The following CACNA1D variants were observed in gnomAD, a reference collection of about 807,000 sequenced individuals.
The protein encoded by CACNA1D is voltage-dependent L-type calcium channel subunit alpha-1D.
In CACNA1D, 55 loss-of-function variants were observed where a neutral mutation model predicts 257.1. That is an observed-to-expected ratio of 0.21 (90% confidence interval 0.17 to 0.27). CACNA1D has a LOEUF of 0.27. Among genes scored for constraint, CACNA1D ranks in the 10% least tolerant of loss-of-function variants. CACNA1D has a pLI of 1.00. For synonymous variants in CACNA1D, 980 were observed against 1,014.9 expected, an observed-to-expected ratio of 0.97 and a Z score of 0.65; for missense variants, 1,876 against 2,784.0, an observed-to-expected ratio of 0.67 and a Z score of 7.34.
At chr3:53,749,027 AT>A in intron 26 of CACNA1D, 1 of 639,640 alleles carries the variant, frequency 1.6e-6, no homozygotes. Flanking sequence ...AAATCTTTTG[AT>A]TTTCAGTTCC....
Position 53,802,167 on chromosome 3 carries a change from A to C in CACNA1D, c.5429A>C (p.Tyr1810Ser). ...SVKRTRYYET[Y>S]IRSDSGDEQL... ...GATAGAACCCGCTATTATGAAACTTACATTAGGTATGTGCTCATTACCTGT... is the reference window on the plus strand; with the variant it reads ...GATAGAACCCGCTATTATGAAACTTCCATTAGGTATGTGCTCATTACCTGT... The change falls in exon 43 of 48, where the codon TAC (tyrosine) becomes TCC (serine). Residue 1810 changes from tyrosine (Y) to serine (S), a missense_variant. By Grantham distance (144) the Tyr-to-Ser change is moderately radical. This residue lies in a region of CACNA1D where 491 missense variants were observed against 554.3 expected (regional missense o/e 0.89). Transcript: ENST00000350061. 1 of 1,608,000 alleles carries C rather than the reference A, an allele frequency of 6.2e-7. No homozygotes were observed. Among genetic ancestry groups the C allele is most frequent in the Non-Finnish European group, 8.5e-7 (1 of 1,174,380 alleles).
At chr3:53,587,943 T>C (rs2093245945) in intron 3 of CACNA1D, among the ~76,000 whole-genome samples, 3 of 152,188 alleles carry the variant, frequency 2.0e-5, no homozygotes, top group African/African-American at 7.2e-5. Flanking sequence ...TGCTTCCTTA[T>C]GGCTGCACAT....
chr3:53,730,951 G>A, intron 16 of CACNA1D, 126 bp from the exon 17 acceptor site: 1 of 690,226 alleles, frequency 1.4e-6, no homozygotes, highest in Non-Finnish European at 2.6e-6. Flanking sequence ...GGCTCTTGTG[G>A]TTAGTGTTGT....
chr3:53,504,912 G>C (rs555045255), intron 3 of CACNA1D, among the ~76,000 whole-genome samples: 40 of 152,110 alleles, frequency 2.6e-4, no homozygotes, highest in Admixed American at 6.6e-4. Flanking sequence ...GTGTGGAACT[G>C]CTTGAAATTA....
chr3:53,799,669 C>T (rs557485389), intron 40 of CACNA1D, among the ~76,000 whole-genome samples: 1 of 152,352 alleles, frequency 6.6e-6, no homozygotes, highest in African/African-American at 2.4e-5. Context: ...TGTCAGTCTG[C>T]TCCGTCGTGG....
rs1007967791 is a variant in CACNA1D, at chr3:53,812,802, T to A, written c.*1396T>A. 2.6e-5 allele frequency: 4 copies of A among 152,380 alleles called. No homozygotes were observed. The highest frequency in any genetic ancestry group is 2.1e-4 in the South Asian group (1 of 4,824). 9.4% of individuals were successfully genotyped at this position (152,380 alleles called of 1,614,324 possible). On this transcript the variant is annotated 3_prime_UTR_variant, in exon 48 of 48. Coordinates refer to ENST00000350061, the MANE Select transcript of CACNA1D (RefSeq NM_001128840.3). ...GGGTGCTGGGGACAGAGGAGCAACGTGGTGATCTATAGGATTGGAGTGTCG... is the reference window on the plus strand; with the variant it reads ...GGGTGCTGGGGACAGAGGAGCAACGAGGTGATCTATAGGATTGGAGTGTCG...
Position 53,808,492 on chromosome 3 carries a change from A to G in CACNA1D, c.5750-157A>G, listed in dbSNP as rs577798759. ...GCTTCTGCCTTCATCCTCTCCTACTAAAGTTTGGAGACCTCACTACCTAAT... is the reference window on the plus strand; with the variant it reads ...GCTTCTGCCTTCATCCTCTCCTACTGAAGTTTGGAGACCTCACTACCTAAT... On this transcript the variant is annotated intron_variant, in intron 45 of 47. Coordinates refer to ENST00000350061, the MANE Select transcript of CACNA1D (RefSeq NM_001128840.3). 599 of 786,812 alleles carry G rather than the reference A, an allele frequency of 7.6e-4. 1 individual carries two copies. The highest frequency in any genetic ancestry group is 2.0e-4 in the Non-Finnish European group (94 of 459,268). The allele number at this position is 786,812 out of a possible 1,614,324, so 48.7% of individuals were successfully genotyped here.
intron 8 of CACNA1D, among the ~76,000 whole-genome samples, chr3:53,697,534 G>GTTA (rs1339186857): frequency 1.3e-5 from 2 of 152,212 alleles, no homozygotes; most frequent in East Asian, 3.9e-4. Flanking sequence ...TAGTAGTGGA[G>GTTA]TTATATCTTC....
chr3:53,801,008 G>C (rs1413235005), intron 41 of CACNA1D, 50 bp from the exon 42 acceptor site: 2 of 1,596,692 alleles, frequency 1.3e-6, no homozygotes. Flanking sequence ...TAGCTAGTCT[G>C]CATCAAATAC....
At chr3:53,555,146 A>C (rs138224325) in intron 3 of CACNA1D, among the ~76,000 whole-genome samples, 1 of 152,224 alleles carries the variant, frequency 6.6e-6, no homozygotes, top group African/African-American at 2.4e-5. Flanking sequence ...GCGTGGTCCC[A>C]TGAGGATGCC....
intron 40 of CACNA1D, among the ~76,000 whole-genome samples, chr3:53,797,222 A>G (rs184416994): frequency 8.5e-5 from 13 of 152,226 alleles, no homozygotes; most frequent in African/African-American, 2.9e-4. Context: ...TGCTAGAAAA[A>G]CTTCATTACC....
chr3:53,783,976 T>A lies in CACNA1D; in HGVS notation c.4792+2309T>A, dbSNP rs936798140. On this transcript the variant is annotated intron_variant, in intron 39 of 47. Coordinates refer to ENST00000350061, the MANE Select transcript of CACNA1D (RefSeq NM_001128840.3). ...AGATGTGGGGTGCTCAGGAAGCCCC[T>A]TTTAGCCCTGGTGATAGAACTGAGT... 2.6e-5 allele frequency among the ~76,000 whole-genome samples: 4 copies of A among 152,160 alleles called. No individual in the cohort carries two copies. In the South Asian group the frequency reaches 8.3e-4, roughly 32 times the overall value.
intron 8 of CACNA1D, chr3:53,674,115 G>A (rs2094350998): frequency 2.0e-6 from 1 of 503,818 alleles, no homozygotes; most frequent in South Asian, 2.1e-5. Flanking sequence ...TCCAGCCTTG[G>A]TCTCCCCCAG....
intron 27 of CACNA1D, 92 bp downstream of exon 27, chr3:53,749,561 C>A: frequency 3.4e-6 from 3 of 871,414 alleles, no homozygotes; most frequent in East Asian, 2.5e-5. Flanking sequence ...CAGAGAAGGG[C>A]ACCCACATAC....
intron 8 of CACNA1D, among the ~76,000 whole-genome samples, chr3:53,683,077 G>T (rs1234325785): frequency 1.3e-5 from 2 of 152,172 alleles, no homozygotes; most frequent in African/African-American, 4.8e-5. Flanking sequence ...TGCTAAGATA[G>T]CTGGGATTTT....
intron 10 of CACNA1D, chr3:53,718,756 C>G: frequency 6.5e-7 from 1 of 1,547,940 alleles, no homozygotes; most frequent in Non-Finnish European, 8.7e-7. Flanking sequence ...AGGCCTGATT[C>G]TCCTTCCAGC....
intron 3 of CACNA1D, among the ~76,000 whole-genome samples, chr3:53,524,780 C>G (rs2091699858): frequency 2.0e-5 from 3 of 152,178 alleles, no homozygotes; most frequent in Non-Finnish European, 2.9e-5. Flanking sequence ...CTGTGGATGT[C>G]TGGCCTTTTC....
At position 53,772,843 on chromosome 3, in the gene CACNA1D, A is replaced by G. The variant is rs1256681939; in HGVS notation, c.4055A>G (p.Tyr1352Cys). ...CCTTTTCTCTCCCAGGCGCTCCCGT[A>G]TGTGGCCCTCCTCATAGCCATGCTG... ...TFIKSFQALP[Y>C]VALLIAMLFF... The change falls in exon 33 of 48, where the codon TAT (tyrosine) becomes TGT (cysteine). Residue 1352 changes from tyrosine to cysteine, a missense_variant. By Grantham distance (194) the Tyr-to-Cys change is radical. Coordinates refer to ENST00000350061, the MANE Select transcript of CACNA1D (RefSeq NM_001128840.3). 1 of 1,613,906 alleles carries G rather than the reference A, an allele frequency of 6.2e-7. No individual in the cohort carries two copies. Among genetic ancestry groups the G allele is most frequent in the South Asian group, 1.1e-5 (1 of 91,070 alleles).
At chr3:53,675,029 C>T (rs575162439) in intron 8 of CACNA1D, among the ~76,000 whole-genome samples, 2 of 152,336 alleles carry the variant, frequency 1.3e-5, no homozygotes, top group South Asian at 2.1e-4. Flanking sequence ...AAGCAGAGTG[C>T]GTTTATCCAT....
Sources: allele counts gnomAD v4.1 joint callset (sites outside exome capture counted in the v4.1 genomes callset), GRCh38; gene constraint gnomAD v4.1.1; regional missense constraint gnomAD v4.1.1; transcripts MANE v1.5; gene names NCBI Gene and HGNC (gene_info 2026-07-23, HGNC 2026-07-21).